SALL1: variants seen among roughly 807,000 people sequenced by gnomAD.
SALL1 encodes sal-like protein 1.
SALL1 carries 10 observed loss-of-function variants against 73.1 expected under a neutral mutation model. The ratio of observed to expected loss-of-function variants is 0.14; its 90% CI spans 0.08 to 0.23. The LOEUF (loss-of-function observed/expected upper bound fraction) is 0.23, where lower values mean the gene tolerates loss of function less well. Ranked by LOEUF, SALL1 falls within the 10% of genes least tolerant of loss-of-function variation. The probability of loss-of-function intolerance (pLI) is 1.00; values close to 1 mark genes in which losing one functional copy is unlikely to be tolerated. For synonymous variants in SALL1, 688 were observed against 689.8 expected (o/e 1.00, Z 0.04); for missense variants, 1,520 against 1,697.3 (o/e 0.90, Z 1.84).
Position 51,140,542 on chromosome 16 carries a change from G to A in SALL1, c.1680C>T (p.Pro560=), listed in dbSNP as rs1567315729. ...AGGGTATGAGGCTTGGGAGGGTTGGGGGCAACGGCAGGCCGACTGAAGTGG... is the reference window on the plus strand; with the variant it reads ...AGGGTATGAGGCTTGGGAGGGTTGGAGGCAACGGCAGGCCGACTGAAGTGG... ...TLTTSVGLPL[P]PTLPSLIPFI... The change falls in exon 2 of 3, where the codon CCC becomes CCT. Residue 560 remains proline (P), a synonymous_variant. Transcript: ENST00000251020. This position sits in a 1 kb window ranked among gnomAD's most constrained non-coding sequence, Gnocchi z 5.7. 6.2e-7 allele frequency: 1 copy of A among 1,613,972 alleles called. No individual in the cohort carries two copies. Among genetic ancestry groups the A allele is most frequent in the Non-Finnish European group, 8.5e-7 (1 of 1,179,916 alleles).
At chr16:51,147,531 A>T (rs1268218188) in intron 1 of SALL1, among the ~76,000 whole-genome samples, 2 of 152,180 alleles carry the variant, frequency 1.3e-5, no homozygotes, top group Non-Finnish European at 2.9e-5. Context: ...GAAGCTGCTC[A>T]AAATGAGCAA....
intron 1 of SALL1, among the ~76,000 whole-genome samples, chr16:51,142,459 C>A (rs1354811692): frequency 6.6e-6 from 1 of 152,106 alleles, no homozygotes; most frequent in Non-Finnish European, 1.5e-5. Context: ...TTTTATACAC[C>A]TTATTGTCTA....
In SALL1 at chr16:51,137,198, G is replaced by A. The variant is rs1460519237; in HGVS notation, c.3889C>T (p.Leu1297=). ...NSEPNAPLAG[L]EKMASSENGT... Reference sequence around the variant, plus strand: ...TTCTCACTGCTTGCCATTTTCTCCAGGCCGGCCAGGGGAGCATTGGGCTCT... The same window carrying A: ...TTCTCACTGCTTGCCATTTTCTCCAAGCCGGCCAGGGGAGCATTGGGCTCT... The change falls in exon 3 of 3, where the codon CTG becomes TTG. Residue 1297 remains leucine (L), a synonymous_variant. Transcript: ENST00000251020. 15 of 1,614,130 alleles carry A rather than the reference G, an allele frequency of 9.3e-6. No individual in the cohort carries two copies. Among genetic ancestry groups the A allele is most frequent in the Non-Finnish European group, 1.2e-5 (14 of 1,180,036 alleles).
In SALL1 at chr16:51,137,208, G is replaced by C. The variant is rs1323433394; in HGVS notation, c.3879C>G (p.Pro1293=). ...TTGCCATTTTCTCCAGGCCGGCCAG[G>C]GGAGCATTGGGCTCTGAGTTCTGGA... The part of the protein sequence containing the change: ...ERLQNSEPNA[P]LAGLEKMASS... Residue 1293 remains proline, a synonymous_variant, in exon 3 of 3, where the codon CCC becomes CCG. Coordinates refer to ENST00000251020, the MANE Select transcript of SALL1 (RefSeq NM_002968.3). 1 of 1,614,040 alleles carries C rather than the reference G, an allele frequency of 6.2e-7. No homozygotes were observed. The highest frequency in any genetic ancestry group is 8.5e-7 in the Non-Finnish European group (1 of 1,180,026).
In SALL1 at chr16:51,141,747, T is replaced by C. The variant is rs13336129; in HGVS notation, c.475A>G (p.Ser159Gly). The change falls in exon 2 of 3, where the codon AGC becomes GGC. Residue 159 changes from serine to glycine, a missense_variant. Transcript: ENST00000251020. The surrounding 1 kb of genome is among the most constrained non-coding windows in gnomAD (Gnocchi z 5.4). Reference protein sequence around the residue: ...PSSSSSSSSSSGGGGSSSTGT... With the variant: ...PSSSSSSSSSGGGGGSSSTGT... ...GTGGAGGAGCTGCCGCCGCCGCCGC[T>C]GCTGCTGCTGCTGCTGCTGCTGCTG... 0.094 allele frequency: 117,275 copies of C among 1,243,758 alleles called. 3,526 individuals carry two copies. Among genetic ancestry groups the C allele is most frequent in the Non-Finnish European group, 0.11 (97,426 of 921,210 alleles). 77.0% of individuals were successfully genotyped at this position (1,243,758 alleles called of 1,614,324 possible).
At position 51,141,534 on chromosome 16, in the gene SALL1, T is replaced by C. The variant is rs1962429729; in HGVS notation, c.688A>G (p.Met230Val). 13 of 1,613,898 alleles carry C rather than the reference T, an allele frequency of 8.1e-6. No homozygotes were observed. In the East Asian group the frequency reaches 8.9e-5, roughly 11 times the overall value. The change falls in exon 2 of 3, where the codon ATG becomes GTG. Residue 230 changes from methionine to valine, a missense_variant. Met to Val is a conservative substitution (Grantham distance 21). Coordinates refer to ENST00000251020, the MANE Select transcript of SALL1 (RefSeq NM_002968.3). The surrounding 1 kb of genome is among the most constrained non-coding windows in gnomAD (Gnocchi z 5.4). ...TGCTGCAGAGCTAGGAGTTGTTCCATGAGGGCTGGGACGGCCAGCTTGCCC... is the reference window on the plus strand; with the variant it reads ...TGCTGCAGAGCTAGGAGTTGTTCCACGAGGGCTGGGACGGCCAGCTTGCCC... ...SGGKLAVPAL[M>V]EQLLALQQQQ...
Position 51,139,330 on chromosome 16 carries a change from T to C in SALL1, c.2892A>G (p.Pro964=). 2 of 1,614,102 alleles carry C rather than the reference T, an allele frequency of 1.2e-6. No individual in the cohort carries two copies. Among genetic ancestry groups the C allele is most frequent in the Non-Finnish European group, 1.7e-6 (2 of 1,180,016 alleles). ...TCAAATCCAAAGCCCCACCATTCAC[T>C]GGGGTGGGAGACAAACCATTGGCAA... The part of the protein sequence containing the change: ...SEFANGLSPT[P]VNGGALDLTS... Residue 964 remains proline (P), a synonymous_variant, in exon 2 of 3, where the codon CCA becomes CCG. Coordinates refer to ENST00000251020, the MANE Select transcript of SALL1 (RefSeq NM_002968.3).
rs536108231 is a variant in SALL1 at position 51,141,987 on chromosome 16, C to G, written c.235G>C (p.Ala79Pro). The change falls in exon 2 of 3, where the codon GCC becomes CCC. Residue 79 changes from alanine (A) to proline (P), a missense_variant. Physicochemically the swap from Ala to Pro is conservative, Grantham distance 27 (BLOSUM62 -1). This residue lies in a region of SALL1 where 540 missense variants were observed against 567.5 expected (regional missense o/e 0.95). Coordinates refer to ENST00000251020, the MANE Select transcript of SALL1 (RefSeq NM_002968.3). The surrounding 1 kb of genome is among the most constrained non-coding windows in gnomAD (Gnocchi z 5.4). ...GGGGAGAAGGTTTCGGGTGGGGAGG[C>G]TGGATTTTCATTTACGATTAAAACT... ...QLVLIVNENP[A>P]SPPETFSPSP... 2.4e-3 allele frequency: 3,854 copies of G among 1,613,968 alleles called. 102 individuals are homozygous for G. The South Asian group carries it at 0.039, about 16-fold the overall frequency.
chr16:51,151,340 C>A (rs1368375604), upstream of SALL1: 15 of 811,734 alleles, frequency 1.8e-5, no homozygotes, highest in East Asian at 5.4e-4. Context: ...GCGGCTCCCC[C>A]CGCCCGCCGG....
chr16:51,142,934 T>G (rs1962466624), intron 1 of SALL1, among the ~76,000 whole-genome samples: 2 of 152,214 alleles, frequency 1.3e-5, no homozygotes, highest in South Asian at 4.1e-4. Flanking sequence ...AATCAAAGAA[T>G]ATATGCCACC....
rs747689754 is a variant in SALL1 at position 51,137,132 on chromosome 16, T to C, written c.3955A>G (p.Lys1319Glu). Residue 1319 changes from lysine (K) to glutamate (E), a missense_variant, in exon 3 of 3, where the codon AAG (lysine) becomes GAG (glutamate). Physicochemically the swap from Lys to Glu is moderately conservative, Grantham distance 56 (BLOSUM62 1). Around this residue, in one of 7 missense-constraint regions of SALL1, gnomAD observed 318 missense variants for 357.1 expected, o/e 0.89. Transcript: ENST00000251020. ...FRFTRFVEDSKEIVTS is the reference protein window; with the variant it reads ...FRFTRFVEDSEEIVTS ...CTGCTTTAACTCGTGACGATCTCCT[T>C]GCTGTCCTCCACGAAGCGGGTGAAG... is the stretch of plus-strand genomic sequence containing the variant. 1.2e-6 allele frequency: 2 copies of C among 1,614,064 alleles called. No homozygotes were observed. Among genetic ancestry groups the C allele is most frequent in the Non-Finnish European group, 1.7e-6 (2 of 1,180,040 alleles).
chr16:51,137,326 A>ACGGAGATCTCGTTGG lies in SALL1; in HGVS notation c.3746_3760dup (p.Ala1249_Ser1253dup). 6.2e-7 allele frequency: 1 copy of ACGGAGATCTCGTTGG among 1,613,958 alleles called. No homozygotes were observed. The highest frequency in any genetic ancestry group is 8.5e-7 in the Non-Finnish European group (1 of 1,179,982). ...TGGAGGGATGCCACCGTTCTGAATGACGGAGATCTCGTTGGCCTTCATCGC... is the reference window on the plus strand; with the variant it reads ...TGGAGGGATGCCACCGTTCTGAATGACGGAGATCTCGTTGGCGGAGATCTCGTTGGCCTTCATCGC... On this transcript the variant is annotated inframe_insertion, in exon 3 of 3. Transcript: ENST00000251020.
chr16:51,149,924 C>A (rs1401285683), intron 1 of SALL1: 1 of 152,378 alleles, frequency 6.6e-6, no homozygotes, highest in African/African-American at 2.4e-5. Context: ...GTGGGCATCC[C>A]GAGTGGCATC....
In SALL1 at chr16:51,140,038, G is replaced by T; in HGVS notation, c.2184C>A (p.His728Gln). 1 of 1,614,258 alleles carries T rather than the reference G, an allele frequency of 6.2e-7. No homozygotes were observed. Among genetic ancestry groups the T allele is most frequent in the Non-Finnish European group, 8.5e-7 (1 of 1,180,048 alleles). ...TACACTTAAAGGGCCTCTCCCCAGT[G>T]TGTGTCCTGTAGTGCATTTTCAAGG... ...QSALKMHYRT[H>Q]TGERPFKCKI... is the part of the protein sequence containing the mutation. Residue 728 changes from histidine (H) to glutamine (Q), a missense_variant, in exon 2 of 3, where the codon CAC becomes CAA. Transcript: ENST00000251020. This position sits in a 1 kb window ranked among gnomAD's most constrained non-coding sequence, Gnocchi z 5.7.
chr16:51,137,006 G>T lies in SALL1; in HGVS notation c.*106C>A. 2 of 900,788 alleles carry T rather than the reference G, an allele frequency of 2.2e-6. No homozygotes were observed. The highest frequency in any genetic ancestry group is 2.6e-5 in the East Asian group (1 of 38,612). 55.8% of individuals were successfully genotyped at this position (900,788 alleles called of 1,614,324 possible). A position where few individuals can be genotyped will look rare whatever the true frequency, so the allele number is the denominator to read the frequency against. On this transcript the variant is annotated 3_prime_UTR_variant, in exon 3 of 3. Coordinates refer to ENST00000251020, the MANE Select transcript of SALL1 (RefSeq NM_002968.3). ...CATAATGTTGTAGTTCATAGATCTG[G>T]GGAACAGAAGGAAGGGGCGGGGCGG...
At chr16:51,150,652 G>A in intron 1 of SALL1, 3 of 823,626 alleles carry the variant, frequency 3.6e-6, no homozygotes, top group Non-Finnish European at 2.9e-6. Context: ...GCAGGGGGGC[G>A]CAGCGAACTC....
In SALL1 at chr16:51,151,177, G is replaced by C; in HGVS notation, c.65C>G (p.Pro22Arg). The C allele has an allele frequency of 6.3e-7, 1 of 1,598,168 alleles. No individual in the cohort carries two copies. Among genetic ancestry groups the C allele is most frequent in the Non-Finnish European group, 8.5e-7 (1 of 1,174,330 alleles). Residue 22 changes from proline (P) to arginine (R), a missense_variant, in exon 1 of 3, where the codon CCC becomes CGC. Around this residue, in one of 7 missense-constraint regions of SALL1, gnomAD observed 540 missense variants for 567.5 expected, o/e 0.95. Transcript: ENST00000251020. ...GCCGGAGCACTCACCATCTCGCCGG[G>C]GGAGCGAGGCCACTTCGGGGTCGGA... Reference protein sequence around the residue: ...FQSDPEVASLPRRDGDTEKGQ... With the variant: ...FQSDPEVASLRRRDGDTEKGQ...
At chr16:51,142,215 A>T (rs1239459824) in intron 1 of SALL1, 70 bp from the exon 2 acceptor site, 1 of 1,260,448 alleles carries the variant, frequency 7.9e-7, no homozygotes, top group African/African-American at 1.5e-5. Flanking sequence ...ACTTAAAAAA[A>T]AAAAGGCTAA....
chr16:51,144,688 G>C (rs1409391488), intron 1 of SALL1, among the ~76,000 whole-genome samples: 1 of 152,150 alleles, frequency 6.6e-6, no homozygotes, highest in Non-Finnish European at 1.5e-5. Context: ...GGATTTAGCT[G>C]ATTATTACTT....
Sources: allele counts gnomAD v4.1 joint callset (sites outside exome capture counted in the v4.1 genomes callset), GRCh38; gene constraint gnomAD v4.1.1; regional missense constraint gnomAD v4.1.1; non-coding constraint Gnocchi (gnomAD v3.1); transcripts MANE v1.5; gene names NCBI Gene and HGNC (gene_info 2026-07-23, HGNC 2026-07-21).